The following ELMO1 variants were observed in gnomAD, a reference collection of about 807,000 sequenced individuals.
ELMO1 encodes the protein engulfment and cell motility 1.
ELMO1 carries 26 observed loss-of-function variants against 98.9 expected under a neutral mutation model. That is an observed-to-expected ratio of 0.26 (90% CI 0.19 to 0.36). The LOEUF is 0.36. Among genes scored for constraint, ELMO1 ranks in the 10% least tolerant of loss-of-function variants. The pLI, the probability that ELMO1 is intolerant of heterozygous loss-of-function variation, is 1.00. For missense variants in ELMO1, 627 were observed against 935.2 expected (o/e 0.67, Z 4.30); for synonymous variants, 346 against 346.0 (o/e 1.00, Z 0.00).
chr7:36,911,871 C>T (rs1488986362), intron 16 of ELMO1, among the ~76,000 whole-genome samples: 1 of 152,194 alleles, frequency 6.6e-6, no homozygotes, highest in Non-Finnish European at 1.5e-5. Flanking sequence ...CTGCTCCCCA[C>T]ATGTCATTAA....
At chr7:37,068,478 C>A (rs1009515154) in intron 15 of ELMO1, among the ~76,000 whole-genome samples, 1 of 152,174 alleles carries the variant, frequency 6.6e-6, no homozygotes, top group Non-Finnish European at 1.5e-5. Flanking sequence ...CCCATCTCTT[C>A]TTATTGCACT....
At chr7:37,124,757 A>C (rs1786371821) in intron 14 of ELMO1, among the ~76,000 whole-genome samples, 1 of 151,118 alleles carries the variant, frequency 6.6e-6, no homozygotes, top group South Asian at 2.1e-4. Context: ...GCTACCAATG[A>C]CTTTCTTCAC....
intron 1 of ELMO1, among the ~76,000 whole-genome samples, chr7:37,359,728 GGCACCGAGTAAGA>G (rs1801627053): frequency 6.6e-6 from 1 of 152,160 alleles, no homozygotes; most frequent in African/African-American, 2.4e-5. Flanking sequence ...AACAGTGCCC[GGCACCGAGTAAGA>G]GCGTGGCACA....
intron 13 of ELMO1, among the ~76,000 whole-genome samples, chr7:37,167,824 T>C (rs1267551003): frequency 2.0e-5 from 3 of 150,260 alleles, no homozygotes; most frequent in African/African-American, 7.3e-5. Flanking sequence ...GTCTTGGAGT[T>C]GCTCTTCTCG....
intron 15 of ELMO1, among the ~76,000 whole-genome samples, chr7:37,035,251 T>C (rs1358797035): frequency 1.3e-5 from 2 of 152,248 alleles, no homozygotes; most frequent in African/African-American, 4.8e-5. Flanking sequence ...ATTTTAAAGA[T>C]AAATCTCTTT....
chr7:37,224,411 G>GA (rs1241580192), intron 9 of ELMO1, among the ~76,000 whole-genome samples: 1 of 152,156 alleles, frequency 6.6e-6, no homozygotes, highest in African/African-American at 2.4e-5. Flanking sequence ...AAGCTCACTA[G>GA]AATCACCTTG....
At chr7:37,155,079 A>T (rs1390969161) in intron 13 of ELMO1, among the ~76,000 whole-genome samples, 3 of 152,220 alleles carry the variant, frequency 2.0e-5, no homozygotes, top group Non-Finnish European at 4.4e-5. Flanking sequence ...GTGAAGGAGA[A>T]ATAAAATCCT....
rs71780142 is a variant in ELMO1, at chr7:37,171,483, A to ATTTTTTTTT, written c.1087-38258_1087-38250dup. Among the ~76,000 whole-genome samples, 32 of 82,934 alleles carry ATTTTTTTTT rather than the reference A, an allele frequency of 3.9e-4. 4 individuals carry two copies. Among genetic ancestry groups the ATTTTTTTTT allele is most frequent in the Non-Finnish European group, 5.6e-4 (25 of 44,654 alleles). The allele number at this position is 82,934 out of a possible 152,430, so 54.4% of individuals were successfully genotyped here. A position where few individuals can be genotyped will look rare whatever the true frequency, so the allele number is the denominator to read the frequency against. On this transcript the variant is annotated intron_variant, in intron 13 of 21. Coordinates refer to ENST00000310758, the MANE Select transcript of ELMO1 (RefSeq NM_014800.11). ...TTTATTCTTGTAACCAGGCCTTTCT[A>ATTTTTTTTT]TTTTTTTTTTTTTTTTTTTTTTTTT...
chr7:37,039,841 G>C (rs753548601), intron 15 of ELMO1, among the ~76,000 whole-genome samples: 16 of 152,200 alleles, frequency 1.1e-4, no homozygotes, highest in Non-Finnish European at 2.4e-4. Flanking sequence ...CATGCTGATT[G>C]AAGATAAATT....
chr7:37,212,549 CG>C (rs1666051042), intron 12 of ELMO1, among the ~76,000 whole-genome samples: 2 of 152,172 alleles, frequency 1.3e-5, no homozygotes, highest in Non-Finnish European at 2.9e-5. Flanking sequence ...TTGCCAAAAA[CG>C]TGGGGCACAT....
chr7:37,065,126 C>T (rs1796886003), intron 15 of ELMO1, among the ~76,000 whole-genome samples: 2 of 151,982 alleles, frequency 1.3e-5, no homozygotes, highest in African/African-American at 4.8e-5. Context: ...CACACCTCCA[C>T]CTCCCACCCC....
At chr7:36,858,014 T>C (rs1450780970) in intron 21 of ELMO1, among the ~76,000 whole-genome samples, 2 of 152,208 alleles carry the variant, frequency 1.3e-5, no homozygotes, top group East Asian at 1.9e-4. Flanking sequence ...ATAACGACAG[T>C]AACTGCAACA....
At chr7:36,883,815 G>A (rs1020525726) in intron 18 of ELMO1, among the ~76,000 whole-genome samples, 1 of 152,132 alleles carries the variant, frequency 6.6e-6, no homozygotes, top group Non-Finnish European at 1.5e-5. Flanking sequence ...TGCGAGAATG[G>A]ACTAATACAG....
chr7:36,983,222 A>T (rs1051304510), intron 16 of ELMO1, among the ~76,000 whole-genome samples: 2 of 152,208 alleles, frequency 1.3e-5, no homozygotes, highest in Non-Finnish European at 2.9e-5. Flanking sequence ...CAGGCAAATA[A>T]ATGCTACAGG....
At chr7:36,923,049 C>G (rs1358444656) in intron 16 of ELMO1, among the ~76,000 whole-genome samples, 3 of 152,208 alleles carry the variant, frequency 2.0e-5, no homozygotes, top group African/African-American at 7.2e-5. Context: ...AGCTGTCACT[C>G]CCTCCAGTAG....
intron 1 of ELMO1, among the ~76,000 whole-genome samples, chr7:37,347,410 T>C (rs1209600214): frequency 6.8e-6 from 1 of 147,710 alleles, no homozygotes; most frequent in African/African-American, 2.5e-5. Context: ...TCCCTTCCCC[T>C]CAGTCTCGAC....
intron 15 of ELMO1, among the ~76,000 whole-genome samples, chr7:37,033,564 GC>G (rs1794998792): frequency 6.6e-6 from 1 of 152,010 alleles, no homozygotes; most frequent in Non-Finnish European, 1.5e-5. Context: ...CAATGTCAAG[GC>G]CTGAATGTCC....
intron 6 of ELMO1, among the ~76,000 whole-genome samples, chr7:37,247,008 T>C (rs1329554762): frequency 6.6e-6 from 1 of 152,208 alleles, no homozygotes; most frequent in Non-Finnish European, 1.5e-5. Context: ...ATTTGTGCTC[T>C]TTTGACTTTT....
chr7:37,391,916 C>T (rs548682102), intron 1 of ELMO1, among the ~76,000 whole-genome samples: 3 of 152,278 alleles, frequency 2.0e-5, no homozygotes, highest in African/African-American at 7.2e-5. Context: ...TGTGTGTACC[C>T]CCCTAAGAAA....
Sources: allele counts gnomAD v4.1 joint callset (sites outside exome capture counted in the v4.1 genomes callset), GRCh38; gene constraint gnomAD v4.1.1; transcripts MANE v1.5; gene names NCBI Gene and HGNC (gene_info 2026-07-23, HGNC 2026-07-21).